The following TMEM132B variants were observed in gnomAD, a reference collection of about 807,000 sequenced individuals.
TMEM132B encodes transmembrane protein 132B.
Under a neutral mutation model 90.8 loss-of-function variants are expected in TMEM132B, and 18 were observed. The ratio of observed to expected loss-of-function variants is 0.20; its 90% CI spans 0.14 to 0.29. The LOEUF (loss-of-function observed/expected upper bound fraction) is 0.29. Among genes scored for constraint, TMEM132B ranks in the 10% least tolerant of loss-of-function variants. The probability of loss-of-function intolerance (pLI) is 1.00; values close to 1 mark genes in which losing one functional copy is unlikely to be tolerated. For synonymous variants in TMEM132B, 504 were observed against 523.3 expected (o/e 0.96, Z 0.50); for missense variants, 1,096 against 1,326.8 (o/e 0.83, Z 2.70).
At chr12:125,314,314 G>T (rs1876200827) in intron 1 of TMEM132B, among the ~76,000 whole-genome samples, 1 of 152,182 alleles carries the variant, frequency 6.6e-6, no homozygotes, top group Admixed American at 6.5e-5. Flanking sequence ...AGCAGCGATG[G>T]CTCCTCCAGA....
chr12:125,523,121 A>G (rs1168611300), intron 4 of TMEM132B, among the ~76,000 whole-genome samples: 3 of 152,230 alleles, frequency 2.0e-5, no homozygotes, highest in Admixed American at 2.0e-4. Flanking sequence ...TCCATTGGCT[A>G]GAGAGCTCTT....
In TMEM132B at chr12:125,457,791, G is replaced by T. The variant is rs186884620; in HGVS notation, c.1106+42114G>T. Among the ~76,000 whole-genome samples, 4 of 152,306 alleles carry T rather than the reference G, an allele frequency of 2.6e-5. No individual in the cohort carries two copies. The East Asian group carries it at 7.7e-4, about 29-fold the overall frequency. On this transcript the variant is annotated intron_variant, in intron 3 of 8. Coordinates refer to ENST00000682704, the MANE Select transcript of TMEM132B (RefSeq NM_001366854.1). ...GGCCTGTGGGTGTGCACATTCAGGTGAGCATGATGCAAAGGCCACAGGTGT... is the reference window on the plus strand; with the variant it reads ...GGCCTGTGGGTGTGCACATTCAGGTTAGCATGATGCAAAGGCCACAGGTGT...
chr12:125,594,006 A>C lies in TMEM132B; in HGVS notation c.1437+10012A>C, dbSNP rs182860222. 2.6e-5 allele frequency among the ~76,000 whole-genome samples: 4 copies of C among 152,326 alleles called. No individual in the cohort carries two copies. The East Asian group carries it at 7.7e-4, about 29-fold the overall frequency. On this transcript the variant is annotated intron_variant, in intron 5 of 8. Coordinates refer to ENST00000682704, the MANE Select transcript of TMEM132B (RefSeq NM_001366854.1). ...ATTATCACCAAAATCAAAATAGTGA[A>C]CATATCCTTAACTTCTGAACTTTCT...
intron 1 of TMEM132B, among the ~76,000 whole-genome samples, chr12:125,215,138 A>G (rs959745783): frequency 6.6e-6 from 1 of 152,238 alleles, no homozygotes; most frequent in South Asian, 2.1e-4. Context: ...TAGACCCGTC[A>G]TTGAAATCTC....
intron 3 of TMEM132B, among the ~76,000 whole-genome samples, chr12:125,435,040 T>C (rs55853798): frequency 0.2 from 30,171 of 152,104 alleles, 3,638 homozygotes; most frequent in African/African-American, 0.34. Context: ...TGTCCTCTCA[T>C]CCTCCGCACC....
chr12:125,485,871 G>C (rs990355740), intron 3 of TMEM132B, among the ~76,000 whole-genome samples: 2 of 152,296 alleles, frequency 1.3e-5, no homozygotes, highest in Admixed American at 1.3e-4. Flanking sequence ...TTGATTCGAA[G>C]AACCAATTAG....
At chr12:125,326,506 G>T in intron 1 of TMEM132B, 1 of 1,205,778 alleles carries the variant, frequency 8.3e-7, no homozygotes. Flanking sequence ...CTGGCAACCT[G>T]TATAGTAAAC....
chr12:125,187,369 G>A (rs1957766197), intron 1 of TMEM132B, among the ~76,000 whole-genome samples: 2 of 151,806 alleles, frequency 1.3e-5, no homozygotes, highest in Non-Finnish European at 2.9e-5. Context: ...CCCTCCCCAC[G>A]CCCCGCGGCC....
intron 5 of TMEM132B, among the ~76,000 whole-genome samples, chr12:125,639,187 G>A (rs1379229930): frequency 1.3e-5 from 2 of 152,124 alleles, no homozygotes; most frequent in Admixed American, 1.3e-4. Flanking sequence ...AAACACACAT[G>A]TACCTCACAC....
intron 3 of TMEM132B, among the ~76,000 whole-genome samples, chr12:125,461,504 A>C (rs899839952): frequency 6.6e-6 from 1 of 152,254 alleles, no homozygotes; most frequent in Admixed American, 6.5e-5. Context: ...TAGTTGCTGC[A>C]GAGGGATGTG....
At chr12:125,329,433 T>G (rs778907515) in intron 1 of TMEM132B, among the ~76,000 whole-genome samples, 1 of 152,352 alleles carries the variant, frequency 6.6e-6, no homozygotes, top group Non-Finnish European at 1.5e-5. Context: ...TAAGTAGGGC[T>G]GAGTCACTCA....
rs749527855 is a variant in TMEM132B at position 125,458,369 on chromosome 12, C to T, written c.1106+42692C>T. On this transcript the variant is annotated intron_variant, in intron 3 of 8. Transcript: ENST00000682704. This position sits in a 1 kb window ranked among gnomAD's most constrained non-coding sequence, Gnocchi z 4.9. ...TACCTCTGCCATAAACAACTTGGAGCTTGAATAGAAACCAGGAAACAGCAG... is the reference window on the plus strand; with the variant it reads ...TACCTCTGCCATAAACAACTTGGAGTTTGAATAGAAACCAGGAAACAGCAG... Among the ~76,000 whole-genome samples, 3 of 152,114 alleles carry T rather than the reference C, an allele frequency of 2.0e-5. No homozygotes were observed. The highest frequency in any genetic ancestry group is 2.9e-5 in the Non-Finnish European group (2 of 68,012).
chr12:125,205,631 G>A (rs1218853512), intron 1 of TMEM132B, among the ~76,000 whole-genome samples: 4 of 152,238 alleles, frequency 2.6e-5, no homozygotes, highest in South Asian at 2.1e-4. Context: ...GGGCATGGCC[G>A]GGGCTGCTGG....
chr12:125,472,434 G>A (rs549589185), intron 3 of TMEM132B, among the ~76,000 whole-genome samples: 1 of 152,258 alleles, frequency 6.6e-6, no homozygotes, highest in Admixed American at 6.5e-5. Flanking sequence ...GGGAGCCACG[G>A]GTCTGACCTT....
chr12:125,349,185 A>G lies in TMEM132B; in HGVS notation c.68-267A>G, dbSNP rs556549820. Among the ~76,000 whole-genome samples, 3 of 152,286 alleles carry G rather than the reference A, an allele frequency of 2.0e-5. No individual in the cohort carries two copies. Among genetic ancestry groups the G allele is most frequent in the African/African-American group, 7.2e-5 (3 of 41,552 alleles). On this transcript the variant is annotated intron_variant, in intron 1 of 8. Coordinates refer to ENST00000682704, the MANE Select transcript of TMEM132B (RefSeq NM_001366854.1). This position sits in a 1 kb window ranked among gnomAD's most constrained non-coding sequence, Gnocchi z 4.1. The stretch of plus-strand genomic sequence containing the variant: ...TGATTTCGCACAAGCAGCAGAAGCA[A>G]TGTTTTCCCTTTAGAAAGATAACTG...
At chr12:125,556,895 C>T (rs1884403110) in intron 4 of TMEM132B, among the ~76,000 whole-genome samples, 1 of 152,288 alleles carries the variant, frequency 6.6e-6, no homozygotes, top group Non-Finnish European at 1.5e-5. Context: ...GCTGGGACTA[C>T]AGGCGCCCGC....
chr12:125,270,410 T>C (rs958443177), intron 1 of TMEM132B, among the ~76,000 whole-genome samples: 1 of 152,156 alleles, frequency 6.6e-6, no homozygotes, highest in African/African-American at 2.4e-5. Flanking sequence ...CCTGAACTTA[T>C]TATGTTAACT....
chr12:125,380,111 T>G (rs1427531563), intron 2 of TMEM132B, among the ~76,000 whole-genome samples: 1 of 152,202 alleles, frequency 6.6e-6, no homozygotes, highest in Non-Finnish European at 1.5e-5. Flanking sequence ...GGCTTTGTTC[T>G]CTCACAGTTT....
intron 1 of TMEM132B, among the ~76,000 whole-genome samples, chr12:125,243,932 C>G (rs1006771890): frequency 6.6e-6 from 1 of 152,236 alleles, no homozygotes; most frequent in East Asian, 1.9e-4. Flanking sequence ...CCTCTCCCCC[C>G]AGCCCCTGCC....
Sources: allele counts gnomAD v4.1 joint callset (sites outside exome capture counted in the v4.1 genomes callset), GRCh38; gene constraint gnomAD v4.1.1; non-coding constraint Gnocchi (gnomAD v3.1); transcripts MANE v1.5; gene names NCBI Gene and HGNC (gene_info 2026-07-23, HGNC 2026-07-21).